COXFA4: variants seen among roughly 807,000 people sequenced by gnomAD.
COXFA4 encodes the protein cytochrome c oxidase subunit FA4.
the COXFA4 span, chr7:10,939,789 C>A: frequency 4.8e-6 from 3 of 626,928 alleles, no homozygotes; most frequent in Non-Finnish European, 2.8e-6. Context: ...GTTTTTTTTC[C>A]GAGCAGTGTC....
chr7:10,939,954 A>C, the COXFA4 span: 1 of 1,586,828 alleles, frequency 6.3e-7, no homozygotes, highest in Non-Finnish European at 8.6e-7. Flanking sequence ...GGGAACAGAA[A>C]GAGGCGCACC....
At chr7:10,938,287 G>A in the COXFA4 span, 2 of 734,206 alleles carry the variant, frequency 2.7e-6, no homozygotes, top group South Asian at 3.5e-5. Context: ...AGTTGAAACA[G>A]GTAGAGGATC....
At chr7:10,938,610 A>T in the COXFA4 span, 1 of 533,698 alleles carries the variant, frequency 1.9e-6, no homozygotes, top group South Asian at 2.2e-5. Context: ...ACCAAAGAGA[A>T]AACGAGACTC....
At chr7:10,934,024 T>G in the COXFA4 span, among the ~76,000 whole-genome samples, 1 of 152,230 alleles carries the variant, frequency 6.6e-6, no homozygotes, top group African/African-American at 2.4e-5. Context: ...ATTCGGTAAG[T>G]TTTTGCCTTA....
the COXFA4 span, chr7:10,938,677 G>C: frequency 1.4e-6 from 1 of 706,676 alleles, no homozygotes; most frequent in Admixed American, 2.3e-5. Context: ...GCAGATTTGA[G>C]ATCTGAACTT....
the COXFA4 span, among the ~76,000 whole-genome samples, chr7:10,934,692 C>T: frequency 1.3e-5 from 2 of 152,052 alleles, no homozygotes; most frequent in African/African-American, 4.8e-5. Context: ...TTCAAATATA[C>T]CCGAACTTAT....
At chr7:10,938,673 T>G in the COXFA4 span, 2 of 678,594 alleles carry the variant, frequency 2.9e-6, no homozygotes, top group East Asian at 2.7e-5. Flanking sequence ...AACAGCAGAT[T>G]TGAGATCTGA....
the COXFA4 span, chr7:10,933,677 C>T: frequency 6.2e-7 from 1 of 1,609,622 alleles, no homozygotes; most frequent in South Asian, 1.1e-5. Flanking sequence ...CTGTAATCCA[C>T]ATTCACTGAG....
At chr7:10,938,447 T>C in the COXFA4 span, 4 of 441,356 alleles carry the variant, frequency 9.1e-6, no homozygotes, top group East Asian at 1.5e-4. Flanking sequence ...GATGAATCAA[T>C]CTTTTGATTG....
At chr7:10,938,228 GATCA>G in the COXFA4 span, 2 of 1,247,464 alleles carry the variant, frequency 1.6e-6, no homozygotes, top group Non-Finnish European at 2.3e-6. Flanking sequence ...TTTTTGAACA[GATCA>G]ATCTTATTTT....
chr7:10,932,300 A>C, the COXFA4 span: 1 of 152,218 alleles, frequency 6.6e-6, no homozygotes, highest in Non-Finnish European at 1.5e-5. Flanking sequence ...AGAGGTTCAA[A>C]TTATACCTGA....
the COXFA4 span, among the ~76,000 whole-genome samples, chr7:10,934,805 T>A: frequency 2.6e-4 from 40 of 152,352 alleles, no homozygotes; most frequent in African/African-American, 8.9e-4. Flanking sequence ...TACAGACTTT[T>A]ATGGACAGAA....
At chr7:10,938,214 T>A in the COXFA4 span, 1 of 1,388,410 alleles carries the variant, frequency 7.2e-7, no homozygotes, top group Non-Finnish European at 1.0e-6. Flanking sequence ...GTACTAAGAA[T>A]ACATTTTTGA....
At chr7:10,939,778 G>A in the COXFA4 span, 18 of 598,588 alleles carry the variant, frequency 3.0e-5, no homozygotes, top group Admixed American at 2.6e-4. Context: ...GAAAAAACTA[G>A]GTTTTTTTTC....
chr7:10,938,061 A>C, the COXFA4 span: 1 of 1,598,498 alleles, frequency 6.3e-7, no homozygotes, highest in Non-Finnish European at 8.6e-7. Flanking sequence ...CACAATTTCT[A>C]ACAACTTTAA....
chr7:10,940,094 C>A, the COXFA4 span: 7 of 1,608,530 alleles, frequency 4.4e-6, no homozygotes, highest in African/African-American at 5.3e-5. Context: ...AAGGAGAGAA[C>A]CGACCTAGCC....
the COXFA4 span, among the ~76,000 whole-genome samples, chr7:10,935,006 T>C: frequency 1.3e-5 from 2 of 152,238 alleles, no homozygotes; most frequent in Admixed American, 1.3e-4. Context: ...AAATAAACAC[T>C]TGTTGGGCTC....
At chr7:10,938,758 TA>T in the COXFA4 span, 1 of 1,405,424 alleles carries the variant, frequency 7.1e-7, no homozygotes, top group Non-Finnish European at 1.0e-6. Context: ...CTGTGGCTCC[TA>T]AACTGCCTTG....
chr7:10,938,756 C>T, the COXFA4 span: 1 of 1,354,490 alleles, frequency 7.4e-7, no homozygotes, highest in Non-Finnish European at 1.1e-6. Flanking sequence ...GACTGTGGCT[C>T]CTAAACTGCC....
Sources: allele counts gnomAD v4.1 joint callset (sites outside exome capture counted in the v4.1 genomes callset), GRCh38; gene constraint gnomAD v4.1.1; transcripts MANE v1.5; gene names NCBI Gene and HGNC (gene_info 2026-07-23, HGNC 2026-07-21).